Variants in TENM4 observed in about 807,000 individuals in gnomAD.
TENM4 encodes teneurin transmembrane protein 4.
Under a neutral mutation model 243.3 loss-of-function variants are expected in TENM4, and 82 were observed. The ratio of observed to expected loss-of-function variants is 0.34; its 90% CI spans 0.28 to 0.40. TENM4 has a LOEUF of 0.40. Ranked by LOEUF, TENM4 falls within the 10% of genes least tolerant of loss-of-function variation. TENM4 has a pLI of 1.00. For missense variants in TENM4, 3,138 were observed against 3,673.3 expected (o/e 0.85, Z 3.77); for synonymous variants, 1,412 against 1,456.3 (o/e 0.97, Z 0.69).
intron 29 of TENM4, among the ~76,000 whole-genome samples, chr11:78,684,797 T>C (rs550631184): frequency 4.6e-5 from 7 of 152,264 alleles, no homozygotes; most frequent in Non-Finnish European, 7.3e-5. Context: ...AGGTACCTTA[T>C]GAGGTACTGC....
At chr11:78,905,825 A>C (rs1417213484) in intron 6 of TENM4, among the ~76,000 whole-genome samples, 5 of 152,244 alleles carry the variant, frequency 3.3e-5, no homozygotes, top group Non-Finnish European at 7.3e-5. Flanking sequence ...CTCAGAGAAC[A>C]GGGAGTATTG....
At chr11:78,882,232 A>G (rs966574276) in intron 9 of TENM4, among the ~76,000 whole-genome samples, 1 of 152,226 alleles carries the variant, frequency 6.6e-6, no homozygotes, top group African/African-American at 2.4e-5. Context: ...GCTGAGCCAG[A>G]TGGAAATGAA....
chr11:79,057,319 C>T (rs144310574), intron 6 of TENM4, among the ~76,000 whole-genome samples: 217 of 151,904 alleles, frequency 1.4e-3, no homozygotes, highest in Middle Eastern at 0.01. Flanking sequence ...CCACTCTGGC[C>T]TCCTTGCTGC....
At chr11:79,101,255 G>T (rs1861223540) in intron 4 of TENM4, among the ~76,000 whole-genome samples, 1 of 152,340 alleles carries the variant, frequency 6.6e-6, no homozygotes, top group African/African-American at 2.4e-5. Context: ...TATTTTAAAA[G>T]AGATATAGGA....
At chr11:79,209,301 G>A (rs887797085) in intron 3 of TENM4, among the ~76,000 whole-genome samples, 1 of 152,166 alleles carries the variant, frequency 6.6e-6, no homozygotes, top group Non-Finnish European at 1.5e-5. Flanking sequence ...CAACCCGGCC[G>A]GCCTTGGGAA....
At chr11:78,965,948 T>C (rs1029858877) in intron 6 of TENM4, among the ~76,000 whole-genome samples, 1 of 152,176 alleles carries the variant, frequency 6.6e-6, no homozygotes, top group Non-Finnish European at 1.5e-5. Context: ...CTCATCTATT[T>C]CAAATTTCTG....
At chr11:78,742,824 A>G (rs945491600) in intron 19 of TENM4, among the ~76,000 whole-genome samples, 1 of 152,148 alleles carries the variant, frequency 6.6e-6, no homozygotes, top group Non-Finnish European at 1.5e-5. Flanking sequence ...AAACAAAATC[A>G]AGCAAATAAA....
At chr11:78,855,857 T>A in intron 11 of TENM4, 107 bp downstream of exon 11, 1 of 1,072,018 alleles carries the variant, frequency 9.3e-7, no homozygotes, top group South Asian at 1.6e-5. Flanking sequence ...ATAAAATATA[T>A]AAATGTCCCT....
At chr11:79,070,146 A>G in intron 4 of TENM4, 137 bp from the exon 5 acceptor site, 1 of 1,103,820 alleles carries the variant, frequency 9.1e-7, no homozygotes, top group Non-Finnish European at 1.2e-6. Flanking sequence ...CTCCACCACT[A>G]CGCAGCCCAT....
chr11:78,863,004 C>G lies in TENM4; in HGVS notation c.1213G>C (p.Gly405Arg), dbSNP rs984792755. The G allele has an allele frequency of 1.3e-6, 2 of 1,506,940 alleles. No homozygotes were observed. The highest frequency in any genetic ancestry group is 1.2e-5 in the South Asian group (1 of 80,274). The allele number at this position is 1,506,940 out of a possible 1,614,324, so 93.3% of individuals were successfully genotyped here. A position where few individuals can be genotyped will look rare whatever the true frequency, so the allele number is the denominator to read the frequency against. Reference sequence around the variant, plus strand: ...CCTTTCCTGTCAGGGGTCTCTAAGCCAGTGCCCCCTGAGGGGTATAGGGAG... The same window carrying G: ...CCTTTCCTGTCAGGGGTCTCTAAGCGAGTGCCCCCTGAGGGGTATAGGGAG... The part of the protein sequence containing the change: ...DVSLYPSGGT[G>R]LETPDRKGKG... The change falls in exon 10 of 34, where the codon GGC (glycine) becomes CGC (arginine). Residue 405 changes from glycine (G) to arginine (R), a missense_variant. Physicochemically the swap from Gly to Arg is moderately radical, Grantham distance 125 (BLOSUM62 -2). Transcript: ENST00000278550.
At chr11:78,775,092 C>T (rs2136004338) in intron 17 of TENM4, among the ~76,000 whole-genome samples, 1 of 152,272 alleles carries the variant, frequency 6.6e-6, no homozygotes, top group Middle Eastern at 3.4e-3. Context: ...TGTAGAAAGT[C>T]ACACTGAATA....
At chr11:79,200,708 C>T (rs1863721966) in intron 3 of TENM4, among the ~76,000 whole-genome samples, 2 of 152,222 alleles carry the variant, frequency 1.3e-5, no homozygotes, top group African/African-American at 4.8e-5. Flanking sequence ...CTTGACAGAA[C>T]ATTTCAAAGT....
intron 9 of TENM4, among the ~76,000 whole-genome samples, chr11:78,863,454 A>G (rs1188824360): frequency 6.6e-6 from 1 of 152,228 alleles, no homozygotes; most frequent in Non-Finnish European, 1.5e-5. Flanking sequence ...TGGTATGACA[A>G]TGTTAATTTC....
chr11:79,030,057 C>T lies in TENM4; in HGVS notation c.493+34681G>A, dbSNP rs148018845. 3.9e-3 allele frequency among the ~76,000 whole-genome samples: 593 copies of T among 152,182 alleles called. 8 individuals carry two copies. Among genetic ancestry groups the T allele is most frequent in the East Asian group, 0.022 (113 of 5,152 alleles). ...AGTTCAATGGGAGGCAATCGGAATC[C>T]GCCCTGGATTAAAAGCAAGATTCCT... On this transcript the variant is annotated intron_variant, in intron 6 of 33. Transcript: ENST00000278550.
At chr11:78,894,893 C>A (rs2136305616) in intron 7 of TENM4, among the ~76,000 whole-genome samples, 1 of 143,868 alleles carries the variant, frequency 7.0e-6, no homozygotes, top group South Asian at 2.3e-4. Context: ...ACTGGGGAGG[C>A]TGAGGTGGGA....
At chr11:79,071,140 C>T (rs1860404925) in intron 4 of TENM4, among the ~76,000 whole-genome samples, 1 of 152,206 alleles carries the variant, frequency 6.6e-6, no homozygotes, top group Non-Finnish European at 1.5e-5. Flanking sequence ...CAAATGTCTT[C>T]TTTGAGCTCT....
Position 79,135,926 on chromosome 11 carries a change from A to G in TENM4, c.-66+12784T>C, listed in dbSNP as rs139249868. Among the ~76,000 whole-genome samples, 921 of 151,862 alleles carry G rather than the reference A, an allele frequency of 6.1e-3. 9 individuals carry two copies. Among genetic ancestry groups the G allele is most frequent in the African/African-American group, 0.021 (870 of 41,452 alleles). On this transcript the variant is annotated intron_variant, in intron 4 of 33. Transcript: ENST00000278550. Reference sequence around the variant, plus strand: ...TTGGAGACTATTATTCTAAGTGAAGAAACTCAGGAATGGAAAACCAAACAT... The same window carrying G: ...TTGGAGACTATTATTCTAAGTGAAGGAACTCAGGAATGGAAAACCAAACAT...
At chr11:78,997,023 G>A (rs1858191860) in intron 6 of TENM4, among the ~76,000 whole-genome samples, 2 of 150,986 alleles carry the variant, frequency 1.3e-5, no homozygotes, top group Non-Finnish European at 3.0e-5. Context: ...CAAGTAAGCT[G>A]TAGGTCCTGT....
At chr11:79,248,047 G>A (rs1214014703) in intron 2 of TENM4, among the ~76,000 whole-genome samples, 2 of 152,192 alleles carry the variant, frequency 1.3e-5, no homozygotes, top group Non-Finnish European at 2.9e-5. Flanking sequence ...CATCCATCTG[G>A]TGGAAGGTGG....
Sources: allele counts gnomAD v4.1 joint callset (sites outside exome capture counted in the v4.1 genomes callset), GRCh38; gene constraint gnomAD v4.1.1; transcripts MANE v1.5; gene names NCBI Gene and HGNC (gene_info 2026-07-23, HGNC 2026-07-21).